Variants in USH2A observed in about 807,000 individuals in gnomAD.
USH2A encodes the protein Usher syndrome 2A (autosomal recessive, mild).
Under a neutral mutation model 538.9 loss-of-function variants are expected in USH2A, and 443 were observed. That is an observed-to-expected ratio of 0.82 (90% CI 0.76 to 0.89). The LOEUF is 0.89. Among genes scored for constraint, USH2A ranks in the 40% least tolerant of loss-of-function variants. The probability of loss-of-function intolerance (pLI) is 0.00; values close to 1 mark genes in which losing one functional copy is unlikely to be tolerated. For synonymous variants in USH2A, 2,413 were observed against 2,273.5 expected (o/e 1.06, Z -1.75); for missense variants, 6,633 against 6,324.8 (o/e 1.05, Z -1.65).
At chr1:215,987,870 A>T (rs1222697933) in intron 35 of USH2A, among the ~76,000 whole-genome samples, 3 of 152,232 alleles carry the variant, frequency 2.0e-5, no homozygotes, top group African/African-American at 7.2e-5. Flanking sequence ...CAACTCAAAT[A>T]GTATGAGCTC....
chr1:215,663,366 G>T (rs141400099), intron 64 of USH2A, among the ~76,000 whole-genome samples: 1 of 152,278 alleles, frequency 6.6e-6, no homozygotes, highest in East Asian at 1.9e-4. Context: ...GAAAGGTGAA[G>T]TTATCAGAAA....
At chr1:216,217,336 C>T in intron 15 of USH2A, 51 bp downstream of exon 15, 2 of 1,604,930 alleles carry the variant, frequency 1.2e-6, no homozygotes, top group Non-Finnish European at 1.7e-6. Flanking sequence ...GAGATGCAGT[C>T]CCCTGTATGA....
At chr1:215,969,983 A>C (rs1667451696) in intron 36 of USH2A, among the ~76,000 whole-genome samples, 1 of 152,186 alleles carries the variant, frequency 6.6e-6, no homozygotes, top group Admixed American at 6.6e-5. Flanking sequence ...TATGATAATT[A>C]AGTGCTATTA....
intron 9 of USH2A, among the ~76,000 whole-genome samples, chr1:216,301,951 C>A (rs1398381): frequency 0.75 from 113,164 of 151,618 alleles, 42,319 homozygotes; most frequent in East Asian, 0.79. Flanking sequence ...GGAGCAATTC[C>A]ATGGTAATTC....
At chr1:216,100,441 G>A (rs779951939) in intron 21 of USH2A, among the ~76,000 whole-genome samples, 13 of 152,092 alleles carry the variant, frequency 8.5e-5, no homozygotes, top group Non-Finnish European at 1.8e-4. Flanking sequence ...CTTCTCTTAA[G>A]CTTCTCTCCT....
intron 32 of USH2A, among the ~76,000 whole-genome samples, chr1:216,004,010 G>A (rs1668334281): frequency 6.6e-6 from 1 of 152,292 alleles, no homozygotes; most frequent in African/African-American, 2.4e-5. Context: ...TGTAGGTAGA[G>A]TATGAAAGAG....
chr1:216,328,218 A>C (rs1421297272), intron 4 of USH2A, among the ~76,000 whole-genome samples: 1 of 152,152 alleles, frequency 6.6e-6, no homozygotes, highest in Non-Finnish European at 1.5e-5. Flanking sequence ...TATCAATAGT[A>C]TCATAGTTCA....
intron 38 of USH2A, among the ~76,000 whole-genome samples, chr1:215,918,113 AT>A: frequency 6.6e-6 from 1 of 152,226 alleles, no homozygotes; most frequent in South Asian, 2.1e-4. Context: ...GTGGAGAAAA[AT>A]TTAGTCATTT....
rs10673615 is a variant in USH2A, at chr1:215,926,614, C to CTTTTTTTTTT, written c.7300+7992_7300+8001dup. On this transcript the variant is annotated intron_variant, in intron 38 of 71. Coordinates refer to ENST00000307340, the MANE Select transcript of USH2A (RefSeq NM_206933.4). ...GTAGACACTTGCTTTACCTACCTAT[C>CTTTTTTTTTT]TTTTTTTTTTTTTTTTTTTTGAGAC... Among the ~76,000 whole-genome samples the CTTTTTTTTTT allele has an allele frequency of 1.5e-3, 115 of 75,826 alleles. 4 individuals carry two copies. The highest frequency in any genetic ancestry group is 1.9e-3 in the African/African-American group (35 of 18,300). The allele number at this position is 75,826 out of a possible 152,430, so 49.7% of individuals were successfully genotyped here.
intron 46 of USH2A, among the ~76,000 whole-genome samples, chr1:215,839,511 A>G (rs1339508342): frequency 6.6e-6 from 1 of 152,202 alleles, no homozygotes; most frequent in Non-Finnish European, 1.5e-5. Context: ...AATGTTAAAC[A>G]TAACTTTAAG....
chr1:215,943,520 C>T (rs1443388047), intron 37 of USH2A, among the ~76,000 whole-genome samples: 2 of 152,090 alleles, frequency 1.3e-5, no homozygotes, highest in African/African-American at 4.8e-5. Flanking sequence ...ACTTAATTTT[C>T]TCTTTTTTTG....
At chr1:216,412,249 C>G (rs1373701724) in intron 3 of USH2A, among the ~76,000 whole-genome samples, 1 of 152,072 alleles carries the variant, frequency 6.6e-6, no homozygotes, top group South Asian at 2.1e-4. Flanking sequence ...AGAATTAAAG[C>G]CTTGCCTTCT....
intron 32 of USH2A, among the ~76,000 whole-genome samples, chr1:216,029,030 C>T (rs1359707516): frequency 2.0e-5 from 3 of 151,920 alleles, no homozygotes; most frequent in African/African-American, 2.4e-5. Flanking sequence ...TATATTTTTC[C>T]AAGTTTTCTT....
At chr1:215,807,293 G>C (rs1468643408) in intron 49 of USH2A, among the ~76,000 whole-genome samples, 1 of 152,084 alleles carries the variant, frequency 6.6e-6, no homozygotes, top group East Asian at 1.9e-4. Context: ...TTTGATATTT[G>C]GATGTATAAA....
At chr1:215,978,959 T>A (rs12403934) in intron 35 of USH2A, among the ~76,000 whole-genome samples, 1 of 152,114 alleles carries the variant, frequency 6.6e-6, no homozygotes, top group Non-Finnish European at 1.5e-5. Flanking sequence ...CTGTTGTTAT[T>A]CCTGTAGCTG....
intron 67 of USH2A, among the ~76,000 whole-genome samples, chr1:215,643,557 G>C (rs1221229028): frequency 6.7e-6 from 1 of 148,444 alleles, no homozygotes; most frequent in South Asian, 2.1e-4. Flanking sequence ...ACCAAGTCTT[G>C]CTCTGTTGCC....
intron 21 of USH2A, among the ~76,000 whole-genome samples, chr1:216,166,686 A>C (rs571025899): frequency 3.3e-4 from 50 of 152,276 alleles, no homozygotes; most frequent in African/African-American, 1.2e-3. Context: ...GAGAGTTCCA[A>C]GGTTTCCGCC....
chr1:215,872,236 C>A (rs1156568629), intron 43 of USH2A, among the ~76,000 whole-genome samples: 1 of 152,074 alleles, frequency 6.6e-6, no homozygotes, highest in East Asian at 1.9e-4. Flanking sequence ...AAATGAAATG[C>A]AATATTGTTT....
chr1:216,006,792 T>C (rs1668402084), intron 32 of USH2A, among the ~76,000 whole-genome samples: 1 of 152,208 alleles, frequency 6.6e-6, no homozygotes, highest in Admixed American at 6.5e-5. Flanking sequence ...CAGGATTTGT[T>C]CAATGGGTAC....
Sources: gnomAD v4.1 joint callset for allele counts (sites outside exome capture counted in the v4.1 genomes callset) on GRCh38, gnomAD v4.1.1 for gene constraint, MANE v1.5 for transcripts, NCBI Gene and HGNC (gene_info 2026-07-23, HGNC 2026-07-21) for gene names.